IGFN1: variants seen among roughly 807,000 people sequenced by gnomAD.
The protein encoded by IGFN1 is immunoglobulin-like and fibronectin type III domain-containing protein 1.
A neutral mutation model predicts 289.5 loss-of-function variants in IGFN1; 253 were observed. The observed-to-expected ratio is 0.87, with a 90% CI of 0.79 to 0.97. The LOEUF is 0.97. Ranked by LOEUF, IGFN1 falls within the 50% of genes least tolerant of loss-of-function variation. The pLI is 0.00. For synonymous variants in IGFN1, 1,706 were observed against 1,788.5 expected (o/e 0.95, Z 1.16); for missense variants, 4,470 against 4,686.1 (o/e 0.95, Z 1.35).
At position 201,217,397 on chromosome 1, in the gene IGFN1, C is replaced by T. The variant is rs868210672; in HGVS notation, c.9706C>T (p.Leu3236=). 6.2e-7 allele frequency: 1 copy of T among 1,614,186 alleles called. No individual in the cohort carries two copies. The highest frequency in any genetic ancestry group is 1.7e-4 in the Middle Eastern group (1 of 6,060). The change falls in exon 17 of 24, where the codon CTG becomes TTG. Residue 3236 remains leucine, a synonymous_variant. Coordinates refer to ENST00000335211, the MANE Select transcript of IGFN1 (RefSeq NM_001164586.2). ...GPGSAHILGY[L]IERRKKGSNT... is the part of the protein sequence containing the mutation. ...CGGCAGCGCCCACATCCTGGGCTAC[C>T]TGATCGAGAGGCGTAAGAAGGGGAG...
At position 201,226,999 on chromosome 1, in the gene IGFN1, G is replaced by A. The variant is rs911823579; in HGVS notation, c.10904G>A (p.Cys3635Tyr). The change falls in exon 23 of 24, where the codon TGT (cysteine) becomes TAT (tyrosine). Residue 3635 changes from cysteine to tyrosine, a missense_variant. Physicochemically the swap from Cys to Tyr is radical, Grantham distance 194. Around this residue, in one of 8 missense-constraint regions of IGFN1, gnomAD observed 2,218 missense variants for 2,114.1 expected, o/e 1.05. Transcript: ENST00000335211. ...CAGGGCTGCGAGTGCTGCATGAGCT[G>A]TGCCGTGCAGGGCTCGCCCCGGCCC... ...LPQGCECCMS[C>Y]AVQGSPRPHV... The A allele has an allele frequency of 1.2e-6, 2 of 1,613,244 alleles. No homozygotes were observed. Among genetic ancestry groups the A allele is most frequent in the Non-Finnish European group, 1.7e-6 (2 of 1,180,028 alleles).
chr1:201,203,565 T>G (rs1180002493), intron 9 of IGFN1, among the ~76,000 whole-genome samples, 173 bp from the exon 10 acceptor site: 1 of 152,222 alleles, frequency 6.6e-6, no homozygotes, highest in East Asian at 1.9e-4. Context: ...CCTGTTCCCA[T>G]GTTCTCCAGG....
intron 8 of IGFN1, 138 bp from the exon 9 acceptor site, chr1:201,201,581 C>A: frequency 1.8e-6 from 1 of 570,214 alleles, no homozygotes; most frequent in Non-Finnish European, 3.2e-6. Flanking sequence ...CTTACTTTCC[C>A]CCACTTGTAA....
rs540272590 is a variant in IGFN1 at position 201,211,684 on chromosome 1, G to T, written c.6791G>T (p.Ser2264Ile). 6.5e-7 allele frequency: 1 copy of T among 1,536,990 alleles called. No homozygotes were observed. ...LGAPEEMGSGSYTDYRNGLGS... is the reference protein window; with the variant it reads ...LGAPEEMGSGIYTDYRNGLGS... ...GCTCCTGAGGAAATGGGTTCAGGCAGTTACACAGATTACAGGAATGGTTTA... is the reference window on the plus strand; with the variant it reads ...GCTCCTGAGGAAATGGGTTCAGGCATTTACACAGATTACAGGAATGGTTTA... The change falls in exon 12 of 24, where the codon AGT becomes ATT. Residue 2264 changes from serine to isoleucine, a missense_variant. Physicochemically the swap from Ser to Ile is moderately radical, Grantham distance 142. Around this residue, in one of 8 missense-constraint regions of IGFN1, gnomAD observed 2,218 missense variants for 2,114.1 expected, o/e 1.05. Transcript: ENST00000335211.
Position 201,197,306 on chromosome 1 carries a change from CT to C in IGFN1, c.357del (p.Val120SerfsTer24). On this transcript the variant is annotated frameshift_variant, in exon 5 of 24. Transcript: ENST00000335211. LOFTEE classifies it high-confidence loss of function. ...GAGGCCGCTTGCTCAGTGAGACTCA[CT>C]GTCATCGAAGGTGGGCTTTTCCCTG... ...YGEAACSVRL[T>X]VIEVGFRKNR... 6.5e-7 allele frequency: 1 copy of C among 1,549,826 alleles called. No individual in the cohort carries two copies. Among genetic ancestry groups the C allele is most frequent in the Non-Finnish European group, 8.7e-7 (1 of 1,145,392 alleles).
Position 201,194,197 on chromosome 1 carries a change from G to A in IGFN1, c.51G>A (p.Gln17=). ...ACATCCCTGGAGTGAGCATCTGGCA[G>A]CTGGTGGAGGAGATCCCTGAAGGCT... ...KSHIPGVSIW[Q]LVEEIPEGCS... The change falls in exon 3 of 24, where the codon CAG becomes CAA. Residue 17 remains glutamine (Q), a synonymous_variant. Coordinates refer to ENST00000335211, the MANE Select transcript of IGFN1 (RefSeq NM_001164586.2). 6.4e-7 allele frequency: 1 copy of A among 1,551,688 alleles called. No homozygotes were observed. The highest frequency in any genetic ancestry group is 8.7e-7 in the Non-Finnish European group (1 of 1,146,972).
rs766250465 is a variant in IGFN1, at chr1:201,193,305, GA to G, written c.7+6del. 2 of 1,541,628 alleles carry G rather than the reference GA, an allele frequency of 1.3e-6. No homozygotes were observed. The highest frequency in any genetic ancestry group is 2.4e-5 in the South Asian group (2 of 83,952). ...GAGGAGGCAGAACTATGGCAGGTAA[GA>G]GAAGAACTAATCTCCCCTCCCCAGC... On this transcript the variant is annotated splice_donor_region_variant and intron_variant, in intron 2 of 23. Coordinates refer to ENST00000335211, the MANE Select transcript of IGFN1 (RefSeq NM_001164586.2).
At chr1:201,200,526 A>C (rs1264747390) in intron 8 of IGFN1, 115 bp downstream of exon 8, 1 of 808,168 alleles carries the variant, frequency 1.2e-6, no homozygotes, top group East Asian at 2.7e-5. Context: ...AAGTATGATC[A>C]AGGGGCCTGT....
intron 8 of IGFN1, among the ~76,000 whole-genome samples, chr1:201,200,835 T>TC (rs202124946): frequency 2.0e-5 from 3 of 149,900 alleles, no homozygotes; most frequent in African/African-American, 7.3e-5. Context: ...TTTCTTTCTT[T>TC]TTTTTTTTTT....
intron 5 of IGFN1, among the ~76,000 whole-genome samples, chr1:201,198,963 G>A (rs146437101): frequency 0.025 from 3,849 of 152,336 alleles, 78 homozygotes; most frequent in Non-Finnish European, 0.036. Flanking sequence ...TGAAATGGCA[G>A]CTCCCAGGTG....
rs1461097480 is a variant in IGFN1 at position 201,206,929 on chromosome 1, C to G, written c.2036C>G (p.Thr679Ser). 1 of 1,536,450 alleles carries G rather than the reference C, an allele frequency of 6.5e-7. No homozygotes were observed. The highest frequency in any genetic ancestry group is 8.7e-7 in the Non-Finnish European group (1 of 1,146,582). ...GAGGPGTLELTGGRGSGSKVG... is the reference protein window; with the variant it reads ...GAGGPGTLELSGGRGSGSKVG... ...GGAGGTCCTGGCACCCTGGAGCTTA[C>G]TGGAGGAAGAGGTTCTGGCTCCAAG... The change falls in exon 12 of 24, where the codon ACT (threonine) becomes AGT (serine). Residue 679 changes from threonine (T) to serine (S), a missense_variant. By Grantham distance (58) the Thr-to-Ser change is moderately conservative (BLOSUM62 1). Coordinates refer to ENST00000335211, the MANE Select transcript of IGFN1 (RefSeq NM_001164586.2).
In IGFN1 at chr1:201,208,735, G is replaced by C; in HGVS notation, c.3842G>C (p.Gly1281Ala). The change falls in exon 12 of 24, where the codon GGG becomes GCG. Residue 1281 changes from glycine to alanine, a missense_variant. Gly to Ala is a moderately conservative substitution (Grantham distance 60). Around this residue, in one of 8 missense-constraint regions of IGFN1, gnomAD observed 2,011 missense variants for 1,953.4 expected, o/e 1.03. Transcript: ENST00000335211. ...RKGIGSSGEM[G>A]SVDKEGYKKD... ...GGTATTGGGAGTTCTGGGGAAATGG[G>C]GTCAGTGGATAAGGAAGGTTATAAG... The C allele has an allele frequency of 3.3e-6, 5 of 1,537,074 alleles. No homozygotes were observed. Among genetic ancestry groups the C allele is most frequent in the Non-Finnish European group, 4.4e-6 (5 of 1,146,852 alleles).
intron 19 of IGFN1, 188 bp from the exon 20 acceptor site, chr1:201,222,551 C>T: frequency 4.0e-6 from 2 of 499,604 alleles, no homozygotes; most frequent in Non-Finnish European, 7.2e-6. Context: ...CCCATCAGCC[C>T]CTGGGGTCTC....
Position 201,205,014 on chromosome 1 carries a change from C to T in IGFN1, c.917-68C>T, listed in dbSNP as rs1350225586. 1.1e-5 allele frequency: 16 copies of T among 1,438,906 alleles called. No individual in the cohort carries two copies. In the African/African-American group the frequency reaches 2.1e-4, roughly 19 times the overall value. The allele number at this position is 1,438,906 out of a possible 1,614,324, so 89.1% of individuals were successfully genotyped here. ...TAAGCCAGGATTTCTGAATGGCCAG[C>T]CTTGCTGCCTTAGGTCACACTGTGT... On this transcript the variant is annotated intron_variant, in intron 10 of 23. Transcript: ENST00000335211.
chr1:201,211,166 T>G lies in IGFN1; in HGVS notation c.6273T>G (p.Gly2091=). The change falls in exon 12 of 24, where the codon GGT becomes GGG. Residue 2091 remains glycine (G), a synonymous_variant. Coordinates refer to ENST00000335211, the MANE Select transcript of IGFN1 (RefSeq NM_001164586.2). ...GGAGTAAGACAGGTTTCAGGGATGG[T>G]TTAGGGGGTTCTGAAGAAATGGAGT... The part of the protein sequence containing the change: ...GSGSKTGFRD[G]LGGSEEMESM... 6.5e-7 allele frequency: 1 copy of G among 1,526,798 alleles called. No homozygotes were observed. The highest frequency in any genetic ancestry group is 8.8e-7 in the Non-Finnish European group (1 of 1,142,206). The allele number at this position is 1,526,798 out of a possible 1,614,324, so 94.6% of individuals were successfully genotyped here.
intron 1 of IGFN1, among the ~76,000 whole-genome samples, chr1:201,191,305 C>T (rs1372678008): frequency 6.6e-6 from 1 of 152,130 alleles, no homozygotes; most frequent in African/African-American, 2.4e-5. Context: ...TTGGCTCTTC[C>T]TGCCTCAATT....
At chr1:201,197,118 C>T (rs2102319379) in intron 4 of IGFN1, 100 bp from the exon 5 acceptor site, 1 of 696,488 alleles carries the variant, frequency 1.4e-6, no homozygotes, top group Non-Finnish European at 2.6e-6. Flanking sequence ...GGACAAGGAC[C>T]ATGTCTTACT....
At position 201,206,775 on chromosome 1, in the gene IGFN1, G is replaced by A. The variant is rs781392154; in HGVS notation, c.1882G>A (p.Glu628Lys). Residue 628 changes from glutamate (E) to lysine (K), a missense_variant, in exon 12 of 24, where the codon GAG (glutamate) becomes AAG (lysine). By Grantham distance (56) the Glu-to-Lys change is moderately conservative (BLOSUM62 1). Transcript: ENST00000335211. ...GTCCTGGCCAAGAGGAAAGCAGATA[G>A]AGATTTCACAGGATGACAGCCTGGC... ...VGSWPRGKQI[E>K]ISQDDSLAEM... 34 of 1,536,776 alleles carry A rather than the reference G, an allele frequency of 2.2e-5. 1 individual carries two copies. In the South Asian group the frequency reaches 4.0e-4, roughly 18 times the overall value.
At chr1:201,228,234 A>G (rs912754047) in intron 23 of IGFN1, 152 bp from the exon 24 acceptor site, 1 of 800,676 alleles carries the variant, frequency 1.2e-6, no homozygotes, top group African/African-American at 1.7e-5. Context: ...GCCCAAGCTT[A>G]GAGAGCACGT....
Sources: allele counts gnomAD v4.1 joint callset (sites outside exome capture counted in the v4.1 genomes callset), GRCh38; gene constraint gnomAD v4.1.1; regional missense constraint gnomAD v4.1.1; transcripts MANE v1.5; gene names NCBI Gene and HGNC (gene_info 2026-07-23, HGNC 2026-07-21).